Variants in PRKACB observed in about 807,000 individuals in gnomAD.
PRKACB encodes the protein cAMP-dependent protein kinase catalytic subunit beta.
Under a neutral mutation model 51.4 loss-of-function variants are expected in PRKACB, and 16 were observed. The ratio of observed to expected loss-of-function variants is 0.31; its 90% CI spans 0.21 to 0.47. The LOEUF (loss-of-function observed/expected upper bound fraction) is 0.47. Ranked by LOEUF, PRKACB falls within the 20% of genes least tolerant of loss-of-function variation. PRKACB has a pLI of 1.00. For synonymous variants in PRKACB, 147 were observed against 154.4 expected, an observed-to-expected ratio of 0.95 and a Z score of 0.35; for missense variants, 309 against 464.5, an observed-to-expected ratio of 0.67 and a Z score of 3.08.
intron 1 of PRKACB, among the ~76,000 whole-genome samples, chr1:84,114,310 A>G (rs1165665602): frequency 6.6e-6 from 1 of 152,190 alleles, no homozygotes; most frequent in Non-Finnish European, 1.5e-5. Flanking sequence ...GTAAAGCTGT[A>G]TATGTTTTCC....
chr1:84,099,948 A>G (rs1424017274), intron 1 of PRKACB, among the ~76,000 whole-genome samples: 2 of 152,168 alleles, frequency 1.3e-5, no homozygotes, highest in Non-Finnish European at 2.9e-5. Context: ...ACAACTAGAA[A>G]CAACAAATTC....
chr1:84,143,254 C>T (rs1653607175), upstream of PRKACB, among the ~76,000 whole-genome samples: 3 of 152,022 alleles, frequency 2.0e-5, no homozygotes, highest in Non-Finnish European at 4.4e-5. Flanking sequence ...GAGACAACTC[C>T]TGACCTGGCC....
At chr1:84,115,669 G>A (rs1217002559) in intron 1 of PRKACB, among the ~76,000 whole-genome samples, 1 of 151,844 alleles carries the variant, frequency 6.6e-6, no homozygotes, top group African/African-American at 2.4e-5. Flanking sequence ...GATCACCTGA[G>A]GTTGGGAGTT....
At chr1:84,177,164 G>A (rs182485449) in intron 1 of PRKACB, among the ~76,000 whole-genome samples, 3 of 152,014 alleles carry the variant, frequency 2.0e-5, no homozygotes, top group Admixed American at 2.0e-4. Context: ...TGATGTGCAA[G>A]TTCTATAAAT....
intron 1 of PRKACB, among the ~76,000 whole-genome samples, chr1:84,129,258 A>G (rs1651932586): frequency 6.6e-6 from 1 of 152,124 alleles, no homozygotes; most frequent in Non-Finnish European, 1.5e-5. Flanking sequence ...TTTGAGATAT[A>G]TATTACTATT....
intron 1 of PRKACB, among the ~76,000 whole-genome samples, chr1:84,110,125 C>T (rs1048206740): frequency 6.6e-6 from 1 of 151,790 alleles, no homozygotes; most frequent in Non-Finnish European, 1.5e-5. Context: ...AGATAGCCCT[C>T]CATATCCTTG....
chr1:84,122,865 C>T (rs1355277333), intron 1 of PRKACB, among the ~76,000 whole-genome samples: 1 of 152,078 alleles, frequency 6.6e-6, no homozygotes, highest in Non-Finnish European at 1.5e-5. Flanking sequence ...ATTTCTGGTA[C>T]ATTACACTTT....
chr1:84,194,750 C>G (rs1430241915), intron 5 of PRKACB, among the ~76,000 whole-genome samples: 1 of 151,814 alleles, frequency 6.6e-6, no homozygotes, highest in Non-Finnish European at 1.5e-5. Flanking sequence ...ACATGGCAAA[C>G]CAAACCCTCC....
At chr1:84,204,389 T>C (rs985430786) in intron 8 of PRKACB, 2 of 982,336 alleles carry the variant, frequency 2.0e-6, no homozygotes, top group South Asian at 1.4e-5. Flanking sequence ...GCAGTACTTA[T>C]TTAAACAAGT....
chr1:84,108,811 G>T (rs1330971127), intron 1 of PRKACB, among the ~76,000 whole-genome samples: 1 of 151,736 alleles, frequency 6.6e-6, no homozygotes, highest in East Asian at 1.9e-4. Flanking sequence ...TTTCATTTTT[G>T]AATTTTTCTT....
intron 1 of PRKACB, among the ~76,000 whole-genome samples, chr1:84,108,500 T>TA (rs1037990564): frequency 6.6e-6 from 1 of 151,718 alleles, no homozygotes; most frequent in South Asian, 2.1e-4. Context: ...ATTAAAATAC[T>TA]AAAAAAAAGT....
At chr1:84,120,734 G>C (rs1285132571) in intron 1 of PRKACB, among the ~76,000 whole-genome samples, 1 of 151,976 alleles carries the variant, frequency 6.6e-6, no homozygotes, top group African/African-American at 2.4e-5. Flanking sequence ...GTATCTCATA[G>C]TTTAATTGCT....
At chr1:84,146,054 G>T (rs1654010686) in intron 1 of PRKACB, among the ~76,000 whole-genome samples, 1 of 151,696 alleles carries the variant, frequency 6.6e-6, no homozygotes, top group Non-Finnish European at 1.5e-5. Flanking sequence ...AAATGTATGG[G>T]ATCTGTGATG....
chr1:84,085,683 T>C (rs573910581), intron 1 of PRKACB: 12 of 186,734 alleles, frequency 6.4e-5, no homozygotes, highest in Non-Finnish European at 1.3e-4. Flanking sequence ...AGGACAGGAG[T>C]GCCCTTGTCA....
intron 9 of PRKACB, among the ~76,000 whole-genome samples, chr1:84,220,617 A>G (rs1357922892): frequency 6.6e-6 from 1 of 152,120 alleles, no homozygotes; most frequent in Non-Finnish European, 1.5e-5. Context: ...TGCCTCTTCT[A>G]TGCCTAATTT....
chr1:84,193,979 C>T (rs768919800), intron 5 of PRKACB, among the ~76,000 whole-genome samples: 3 of 152,044 alleles, frequency 2.0e-5, no homozygotes, highest in African/African-American at 4.8e-5. Flanking sequence ...TTTAATTACC[C>T]GAGGCCTAAG....
chr1:84,156,294 A>G (rs1655494245), intron 1 of PRKACB, among the ~76,000 whole-genome samples: 1 of 152,060 alleles, frequency 6.6e-6, no homozygotes, highest in Admixed American at 6.6e-5. Context: ...TAAGCTAGTG[A>G]TATCACTTTT....
intron 9 of PRKACB, among the ~76,000 whole-genome samples, chr1:84,220,557 A>G (rs1673545573): frequency 6.6e-6 from 1 of 152,136 alleles, no homozygotes; most frequent in South Asian, 2.1e-4. Context: ...TTCCTCATTC[A>G]GTATGTTAGC....
At chr1:84,200,707 G>T (rs1318021738) in intron 7 of PRKACB, among the ~76,000 whole-genome samples, 1 of 152,122 alleles carries the variant, frequency 6.6e-6, no homozygotes, top group Non-Finnish European at 1.5e-5. Flanking sequence ...CATGTGGCTA[G>T]CCAGTTATCC....
Sources: allele counts gnomAD v4.1 joint callset (sites outside exome capture counted in the v4.1 genomes callset), GRCh38; gene constraint gnomAD v4.1.1; transcripts MANE v1.5; gene names NCBI Gene and HGNC (gene_info 2026-07-23, HGNC 2026-07-21).